Variants in FSHR observed in about 807,000 individuals in gnomAD.
FSHR encodes the protein follicle stimulating hormone receptor.
FSHR carries 46 observed loss-of-function variants against 52.1 expected under a neutral mutation model. The ratio of observed to expected loss-of-function variants is 0.88; its 90% CI spans 0.70 to 1.13. The LOEUF (loss-of-function observed/expected upper bound fraction) is 1.13, where lower values mean the gene tolerates loss of function less well. Among genes scored for constraint, FSHR ranks in the 50% most tolerant of loss-of-function variants. FSHR has a pLI of 0.00. For synonymous variants in FSHR, 399 were observed against 309.6 expected, an observed-to-expected ratio of 1.29 and a Z score of -3.03; for missense variants, 964 against 834.6, an observed-to-expected ratio of 1.16 and a Z score of -1.91.
At chr2:49,013,562 T>A (rs1229374565) in intron 4 of FSHR, among the ~76,000 whole-genome samples, 3 of 145,680 alleles carry the variant, frequency 2.1e-5, no homozygotes, top group Non-Finnish European at 4.5e-5. Context: ...ATATGGTTTA[T>A]TTATTTATTG....
At chr2:49,075,000 C>G (rs181186593) in intron 1 of FSHR, among the ~76,000 whole-genome samples, 1 of 151,678 alleles carries the variant, frequency 6.6e-6, no homozygotes, top group Non-Finnish European at 1.5e-5. Context: ...ATCTCATAGA[C>G]GTAAAAAGTA....
At chr2:49,013,985 T>C (rs1667392562) in intron 4 of FSHR, among the ~76,000 whole-genome samples, 1 of 152,046 alleles carries the variant, frequency 6.6e-6, no homozygotes, top group African/African-American at 2.4e-5. Flanking sequence ...TGCATATACA[T>C]TGTAAGGATG....
At chr2:49,087,074 T>TTG (rs1670425204) in intron 1 of FSHR, among the ~76,000 whole-genome samples, 1 of 136,510 alleles carries the variant, frequency 7.3e-6, no homozygotes, top group Non-Finnish European at 1.5e-5. Flanking sequence ...GGCAGGGTTT[T>TTG]TTTTTTTTTT....
chr2:49,040,861 T>A (rs1668456334), intron 2 of FSHR, among the ~76,000 whole-genome samples: 1 of 152,176 alleles, frequency 6.6e-6, no homozygotes. Flanking sequence ...AGTGCAGGAT[T>A]TCCTGACATG....
intron 1 of FSHR, among the ~76,000 whole-genome samples, chr2:49,087,892 G>C (rs1355904671): frequency 6.6e-6 from 1 of 152,218 alleles, no homozygotes; most frequent in African/African-American, 2.4e-5. Flanking sequence ...TATTGAGAGA[G>C]AGATATGTGT....
intron 4 of FSHR, 36 bp downstream of exon 4, chr2:49,017,453 A>G (rs1378311324): frequency 6.7e-6 from 10 of 1,481,954 alleles, no homozygotes; most frequent in African/African-American, 2.8e-5. Flanking sequence ...GCACTATTTA[A>G]TCATAGTGGG....
At chr2:49,000,486 G>A (rs541809618) in intron 4 of FSHR, among the ~76,000 whole-genome samples, 1 of 152,308 alleles carries the variant, frequency 6.6e-6, no homozygotes, top group African/African-American at 2.4e-5. Flanking sequence ...GGCTAAGGCA[G>A]AGCTCAGTGT....
rs1225380156 is a variant in FSHR at position 49,021,882 on chromosome 2, T to TAG, written c.225-1723_225-1722insCT. ...CTCTCTCTATATATATATATATATA[T>TAG]ATATAGAGAGAGAGAGAGAGAGAGA... On this transcript the variant is annotated intron_variant, in intron 2 of 9. Coordinates refer to ENST00000406846, the MANE Select transcript of FSHR (RefSeq NM_000145.4). 3.0e-3 allele frequency among the ~76,000 whole-genome samples: 131 copies of TAG among 43,908 alleles called. 2 individuals carry two copies. The highest frequency in any genetic ancestry group is 0.021 in the Middle Eastern group (2 of 94). 28.8% of individuals were successfully genotyped at this position (43,908 alleles called of 152,430 possible).
chr2:49,141,758 G>T (rs1408809396), intron 1 of FSHR, among the ~76,000 whole-genome samples: 1 of 147,610 alleles, frequency 6.8e-6, no homozygotes, highest in African/African-American at 2.5e-5. Context: ...TTTTACATAT[G>T]TAAGTGCTCA....
chr2:48,964,930 T>C (rs1011679127), intron 9 of FSHR, among the ~76,000 whole-genome samples: 3 of 151,950 alleles, frequency 2.0e-5, no homozygotes, highest in Non-Finnish European at 4.4e-5. Context: ...AAGGTAATAC[T>C]TCTGTTTGGA....
intron 4 of FSHR, among the ~76,000 whole-genome samples, chr2:49,004,743 A>C (rs543372611): frequency 6.6e-6 from 1 of 152,292 alleles, no homozygotes; most frequent in South Asian, 2.1e-4. Flanking sequence ...GCTAAGCTTT[A>C]CTAGGCTAAT....
chr2:49,135,535 C>A (rs1266322731), intron 1 of FSHR, among the ~76,000 whole-genome samples: 1 of 151,992 alleles, frequency 6.6e-6, no homozygotes, highest in Non-Finnish European at 1.5e-5. Flanking sequence ...ATAACCCAAC[C>A]TTCATCATAA....
At chr2:49,077,570 C>G (rs68019378) in intron 1 of FSHR, among the ~76,000 whole-genome samples, 4 of 151,986 alleles carry the variant, frequency 2.6e-5, no homozygotes, top group Non-Finnish European at 5.9e-5. Context: ...CGCAAATTTA[C>G]GCAGCCAGCT....
intron 1 of FSHR, among the ~76,000 whole-genome samples, chr2:49,117,122 C>G (rs1558450084): frequency 6.6e-6 from 1 of 151,706 alleles, no homozygotes; most frequent in Non-Finnish European, 1.5e-5. Flanking sequence ...AAGAGCAGGT[C>G]AAGAAAAAAA....
intron 4 of FSHR, among the ~76,000 whole-genome samples, chr2:48,995,732 A>G (rs1477257188): frequency 6.6e-6 from 1 of 152,080 alleles, no homozygotes. Flanking sequence ...ATCAGACCAA[A>G]GTGATGGTGG....
chr2:49,104,275 G>A (rs901383761), intron 1 of FSHR, among the ~76,000 whole-genome samples: 5 of 152,050 alleles, frequency 3.3e-5, no homozygotes, highest in African/African-American at 1.2e-4. Flanking sequence ...TTGACTTTCT[G>A]GTCAGCCATT....
At chr2:48,982,891 G>T in intron 8 of FSHR, 21 bp downstream of exon 8, 1 of 1,600,164 alleles carries the variant, frequency 6.2e-7, no homozygotes, top group Non-Finnish European at 8.6e-7. Context: ...CTTACACACA[G>T]AAATGGGGAA....
At chr2:49,027,336 T>C (rs1260601924) in intron 2 of FSHR, among the ~76,000 whole-genome samples, 1 of 152,200 alleles carries the variant, frequency 6.6e-6, no homozygotes, top group Non-Finnish European at 1.5e-5. Context: ...GAATAAAGTG[T>C]ACCAATTATT....
intron 8 of FSHR, among the ~76,000 whole-genome samples, 195 bp downstream of exon 8, chr2:48,982,717 A>C (rs1405121754): frequency 1.3e-5 from 2 of 152,186 alleles, no homozygotes; most frequent in Admixed American, 1.3e-4. Flanking sequence ...TGTTATTATT[A>C]GTGTTGCTTT....
Sources: allele counts gnomAD v4.1 joint callset (sites outside exome capture counted in the v4.1 genomes callset), GRCh38; gene constraint gnomAD v4.1.1; transcripts MANE v1.5; gene names NCBI Gene and HGNC (gene_info 2026-07-23, HGNC 2026-07-21).